The following KSR2 variants were observed in gnomAD, a reference collection of about 807,000 sequenced individuals.
The protein encoded by KSR2 is kinase suppressor of ras 2.
KSR2 carries 25 observed loss-of-function variants against 107.8 expected under a neutral mutation model. The observed-to-expected ratio is 0.23, with a 90% CI of 0.17 to 0.32. The LOEUF (loss-of-function observed/expected upper bound fraction) is 0.32, where lower values mean the gene tolerates loss of function less well. Ranked by LOEUF, KSR2 falls within the 10% of genes least tolerant of loss-of-function variation. The pLI is 1.00. For missense variants in KSR2, 887 were observed against 1,268.9 expected (o/e 0.70, Z 4.57); for synonymous variants, 480 against 507.0 (o/e 0.95, Z 0.71).
At chr12:117,671,372 GAGAC>G (rs1377879828) in intron 4 of KSR2, among the ~76,000 whole-genome samples, 1 of 152,218 alleles carries the variant, frequency 6.6e-6, no homozygotes, top group Non-Finnish European at 1.5e-5. Context: ...AGACGGCAGA[GAGAC>G]AGACAGATTG....
intron 5 of KSR2, among the ~76,000 whole-genome samples, chr12:117,659,379 A>C (rs1029594886): frequency 6.6e-6 from 1 of 152,168 alleles, no homozygotes; most frequent in Non-Finnish European, 1.5e-5. Flanking sequence ...TGATGATAAG[A>C]ACCCAGAAGT....
chr12:117,561,506 A>G (rs1878119473), intron 7 of KSR2, among the ~76,000 whole-genome samples: 1 of 152,206 alleles, frequency 6.6e-6, no homozygotes, highest in Non-Finnish European at 1.5e-5. Flanking sequence ...TAACTTACCT[A>G]ATGTCAAATG....
chr12:117,525,072 C>G lies in KSR2; in HGVS notation c.1999G>C (p.Glu667Gln), dbSNP rs1160034176. 1 of 1,614,006 alleles carries G rather than the reference C, an allele frequency of 6.2e-7. No individual in the cohort carries two copies. The highest frequency in any genetic ancestry group is 2.2e-5 in the East Asian group (1 of 44,864). Residue 667 changes from glutamate to glutamine, a missense_variant, in exon 14 of 20, where the codon GAG (glutamate) becomes CAG (glutamine). By Grantham distance (29) the Glu-to-Gln change is conservative. This residue lies in a region of KSR2 where 308 missense variants were observed against 506.2 expected (regional missense o/e 0.61). Transcript: ENST00000339824. ...QEWDIPFEQL[E>Q]IGELIGKGRF... ...CCCTTTCCAATGAGCTCGCCGATCT[C>G]CAGCTGCTCAAAGGGGATGTCCCAC...
At chr12:117,491,169 AT>A (rs1229733216) in intron 14 of KSR2, among the ~76,000 whole-genome samples, 2 of 151,988 alleles carry the variant, frequency 1.3e-5, no homozygotes, top group Non-Finnish European at 2.9e-5. Flanking sequence ...ATCATGTGGT[AT>A]TTGTCTTTTA....
At chr12:117,644,932 C>G (rs1883547949) in intron 5 of KSR2, among the ~76,000 whole-genome samples, 1 of 152,140 alleles carries the variant, frequency 6.6e-6, no homozygotes, top group African/African-American at 2.4e-5. Context: ...TCACCCTGGT[C>G]TTTGGAAATC....
rs569062055 is a variant in KSR2 at position 117,538,099 on chromosome 12, C to G, written c.1687+1620G>C. 5.3e-4 allele frequency among the ~76,000 whole-genome samples: 44 copies of G among 83,064 alleles called. 1 individual carries two copies. In the South Asian group the frequency reaches 0.014, roughly 27 times the overall value. 54.5% of individuals were successfully genotyped at this position (83,064 alleles called of 152,430 possible). A position where few individuals can be genotyped will look rare whatever the true frequency, so the allele number is the denominator to read the frequency against. On this transcript the variant is annotated intron_variant, in intron 10 of 19. Transcript: ENST00000339824. ...GTGTGGGTGGTCATGGGAAGTCTAACGGTCTTTTTTTTTCCCTTCATCCCC... is the reference window on the plus strand; with the variant it reads ...GTGTGGGTGGTCATGGGAAGTCTAAGGGTCTTTTTTTTTCCCTTCATCCCC...
intron 1 of KSR2, among the ~76,000 whole-genome samples, chr12:117,936,805 C>G (rs1045317857): frequency 6.6e-6 from 1 of 152,128 alleles, no homozygotes. Context: ...AGACATATAT[C>G]CCTAGCACCT....
intron 1 of KSR2, among the ~76,000 whole-genome samples, chr12:117,957,134 C>G (rs899155364): frequency 6.6e-6 from 1 of 152,228 alleles, no homozygotes; most frequent in African/African-American, 2.4e-5. Flanking sequence ...CCTTCGCCCT[C>G]TGTTTCTCCT....
intron 14 of KSR2, among the ~76,000 whole-genome samples, chr12:117,494,711 A>G (rs1454943820): frequency 6.6e-6 from 1 of 152,246 alleles, no homozygotes; most frequent in African/African-American, 2.4e-5. Flanking sequence ...ATGAGACTTC[A>G]GAGAGATACA....
intron 4 of KSR2, among the ~76,000 whole-genome samples, chr12:117,674,917 G>T (rs1284969699): frequency 1.3e-5 from 2 of 152,070 alleles, no homozygotes; most frequent in Admixed American, 1.3e-4. Context: ...CTAGCTGTTC[G>T]GGTCATCTTT....
intron 14 of KSR2, among the ~76,000 whole-genome samples, chr12:117,517,398 G>T (rs1042264166): frequency 6.6e-6 from 1 of 152,130 alleles, no homozygotes; most frequent in Non-Finnish European, 1.5e-5. Context: ...CTGCTGATCT[G>T]CATTTGCAAT....
chr12:117,744,507 T>A (rs867356925), intron 4 of KSR2, among the ~76,000 whole-genome samples: 7 of 152,050 alleles, frequency 4.6e-5, no homozygotes, highest in Admixed American at 3.9e-4. Context: ...GATAAGAGAT[T>A]CTCCATGGTT....
chr12:117,571,933 T>G (rs1353243509), intron 7 of KSR2, among the ~76,000 whole-genome samples: 2 of 152,058 alleles, frequency 1.3e-5, no homozygotes, highest in Non-Finnish European at 2.9e-5. Context: ...CAAGATCGCT[T>G]TTCTAGGAGT....
chr12:117,626,588 G>T (rs954546698), intron 5 of KSR2, among the ~76,000 whole-genome samples: 1 of 152,172 alleles, frequency 6.6e-6, no homozygotes, highest in East Asian at 1.9e-4. Flanking sequence ...TGTGATTTCT[G>T]TTCTTTTACA....
intron 16 of KSR2, among the ~76,000 whole-genome samples, chr12:117,481,935 G>T (rs186693923): frequency 6.6e-6 from 1 of 152,222 alleles, no homozygotes; most frequent in East Asian, 1.9e-4. Context: ...GGAGTAAATG[G>T]ACCTGAACCC....
intron 7 of KSR2, among the ~76,000 whole-genome samples, chr12:117,565,499 T>C (rs1369651784): frequency 6.6e-6 from 1 of 152,228 alleles, no homozygotes; most frequent in African/African-American, 2.4e-5. Context: ...GTTACACCCA[T>C]GTAATATGTG....
chr12:117,898,645 G>A (rs1894589492), intron 1 of KSR2, among the ~76,000 whole-genome samples: 1 of 151,924 alleles, frequency 6.6e-6, no homozygotes, highest in Non-Finnish European at 1.5e-5. Flanking sequence ...AAAAAATTTT[G>A]TGGGTACATA....
rs1872419309 is a variant in KSR2, at chr12:117,485,640, A to C, written c.2271T>G (p.Val757=). The part of the protein sequence containing the change: ...LYSVVRDAKI[V]LDVNKTRQIA... ...TCTGCCTGGTTTTGTTGACATCCAA[A>C]ACGATTTTGGCATCCCTCACAACGG... The change falls in exon 15 of 20, where the codon GTT becomes GTG. Residue 757 remains valine, a synonymous_variant. Transcript: ENST00000339824. 6.2e-7 allele frequency: 1 copy of C among 1,613,538 alleles called. No individual in the cohort carries two copies. The highest frequency in any genetic ancestry group is 1.3e-5 in the African/African-American group (1 of 74,908).
Position 117,867,544 on chromosome 12 carries a change from G to C in KSR2, c.181-7113C>G, listed in dbSNP as rs553305205. On this transcript the variant is annotated intron_variant, in intron 1 of 19. Coordinates refer to ENST00000339824, the MANE Select transcript of KSR2 (RefSeq NM_173598.6). ...GCCTTTTCAATGACGCTGGCCATGT[G>C]ACTTGCCTCGGCCAATAGGAGGCCT... 1.2e-4 allele frequency among the ~76,000 whole-genome samples: 19 copies of C among 152,282 alleles called. No individual in the cohort carries two copies. The East Asian group carries it at 3.7e-3, about 29-fold the overall frequency.
Sources: gnomAD v4.1 joint callset for allele counts (sites outside exome capture counted in the v4.1 genomes callset) on GRCh38, gnomAD v4.1.1 for gene constraint, gnomAD v4.1.1 regional missense constraint, MANE v1.5 for transcripts, NCBI Gene and HGNC (gene_info 2026-07-23, HGNC 2026-07-21) for gene names.